Variants in ROBO2 observed in about 807,000 individuals in gnomAD.
The protein encoded by ROBO2 is roundabout homolog 2.
A neutral mutation model predicts 160.8 loss-of-function variants in ROBO2; 53 were observed. The ratio of observed to expected loss-of-function variants is 0.33; its 90% CI spans 0.26 to 0.41. ROBO2 has a LOEUF of 0.41. Among genes scored for constraint, ROBO2 ranks in the 10% least tolerant of loss-of-function variants. The pLI is 1.00. For synonymous variants in ROBO2, 664 were observed against 611.7 expected, an observed-to-expected ratio of 1.09 and a Z score of -1.26; for missense variants, 1,577 against 1,722.4, an observed-to-expected ratio of 0.92 and a Z score of 1.49.
intron 22 of ROBO2, among the ~76,000 whole-genome samples, chr3:77,618,885 A>G (rs537035551): frequency 3.3e-5 from 5 of 152,214 alleles, no homozygotes; most frequent in Non-Finnish European, 5.9e-5. Context: ...TTAATAAAAC[A>G]TCACTATGTA....
intron 2 of ROBO2, among the ~76,000 whole-genome samples, chr3:75,948,504 A>G (rs1181754953): frequency 6.6e-6 from 1 of 152,064 alleles, no homozygotes; most frequent in Non-Finnish European, 1.5e-5. Flanking sequence ...CTTGTTCTTC[A>G]ACGTGGCCCA....
At chr3:77,531,685 T>C (rs1052412347) in intron 6 of ROBO2, among the ~76,000 whole-genome samples, 3 of 152,134 alleles carry the variant, frequency 2.0e-5, no homozygotes, top group African/African-American at 7.2e-5. Flanking sequence ...CTGTACATAA[T>C]TGGATATTGG....
intron 2 of ROBO2, among the ~76,000 whole-genome samples, chr3:77,321,375 A>C (rs1454361697): frequency 6.6e-6 from 1 of 152,012 alleles, no homozygotes; most frequent in Non-Finnish European, 1.5e-5. Flanking sequence ...AAATTAGCCG[A>C]GCATGATGGC....
At chr3:77,472,259 G>A (rs1560931715) in intron 2 of ROBO2, among the ~76,000 whole-genome samples, 1 of 152,108 alleles carries the variant, frequency 6.6e-6, no homozygotes, top group Non-Finnish European at 1.5e-5. Context: ...TATACAAAGG[G>A]AATAAATAAC....
chr3:77,500,506 T>C (rs2087434882), intron 5 of ROBO2, among the ~76,000 whole-genome samples: 1 of 152,172 alleles, frequency 6.6e-6, no homozygotes, highest in Non-Finnish European at 1.5e-5. Context: ...TGGTTAGAAA[T>C]ACTATATTAT....
chr3:76,611,933 T>C (rs1254448352), intron 2 of ROBO2, among the ~76,000 whole-genome samples: 3 of 152,332 alleles, frequency 2.0e-5, no homozygotes, highest in South Asian at 4.1e-4. Context: ...TTTTGCAGTA[T>C]TCCATAGTTG....
chr3:77,640,410 G>T (rs529605932), intron 24 of ROBO2, among the ~76,000 whole-genome samples: 4 of 152,120 alleles, frequency 2.6e-5, no homozygotes, highest in Non-Finnish European at 4.4e-5. Context: ...CACTGCGCCC[G>T]GCCGCATATT....
chr3:77,454,234 C>T (rs986253928), intron 2 of ROBO2, among the ~76,000 whole-genome samples: 3 of 151,402 alleles, frequency 2.0e-5, no homozygotes, highest in Non-Finnish European at 2.9e-5. Flanking sequence ...TGTTGTTTAC[C>T]AATATAAACA....
chr3:75,984,685 T>C (rs1361064024), intron 2 of ROBO2, among the ~76,000 whole-genome samples: 2 of 151,458 alleles, frequency 1.3e-5, no homozygotes, highest in Non-Finnish European at 3.0e-5. Flanking sequence ...ATTCGCACAC[T>C]TAATTCTTGA....
rs536832543 is a variant in ROBO2 at position 75,971,489 on chromosome 3, T to C, written c.109+33887T>C. Among the ~76,000 whole-genome samples, 22 of 151,672 alleles carry C rather than the reference T, an allele frequency of 1.5e-4. No individual in the cohort carries two copies. In the South Asian group the frequency reaches 4.6e-3, roughly 31 times the overall value. ...GGTCAAGCAATTAACCTCTGATTTC[T>C]CATTTTCTTCATCTATAAAGACAGA... is the stretch of plus-strand genomic sequence containing the variant. On this transcript the variant is annotated intron_variant, in intron 2 of 26. Coordinates refer to the ROBO2 transcript ENST00000487694.
exon 26 of ROBO2, chr3:77,649,243 G>A (rs1468849776): frequency 6.6e-6 from 1 of 152,178 alleles, no homozygotes. Context: ...CTTGCGTTGA[G>A]TACAAAACAG....
chr3:77,126,714 T>TA (rs1560065744), intron 2 of ROBO2, among the ~76,000 whole-genome samples: 9 of 137,638 alleles, frequency 6.5e-5, no homozygotes, highest in African/African-American at 3.1e-4. Context: ...ATATATATAT[T>TA]TTTTTTCCTT....
At chr3:77,535,284 C>T (rs1245006046) in intron 6 of ROBO2, among the ~76,000 whole-genome samples, 2 of 151,494 alleles carry the variant, frequency 1.3e-5, no homozygotes, top group Non-Finnish European at 2.9e-5. Context: ...GTGATCAGCC[C>T]TCGTGGTTTA....
chr3:75,907,394 A>G (rs532572578), intron 1 of ROBO2, among the ~76,000 whole-genome samples: 2 of 152,012 alleles, frequency 1.3e-5, no homozygotes, highest in African/African-American at 4.8e-5. Context: ...TTGGTCTCTA[A>G]GTTTGGGGGT....
At chr3:76,883,775 CTG>C (rs2148765942) in intron 2 of ROBO2, among the ~76,000 whole-genome samples, 1 of 152,276 alleles carries the variant, frequency 6.6e-6, no homozygotes, top group African/African-American at 2.4e-5. Flanking sequence ...AAACGATTAA[CTG>C]TGGAATTTGT....
intron 2 of ROBO2, among the ~76,000 whole-genome samples, chr3:77,245,919 C>T (rs978609907): frequency 6.6e-6 from 1 of 152,030 alleles, no homozygotes; most frequent in Admixed American, 6.6e-5. Context: ...AAAAATAAAC[C>T]ATGTACCATG....
intron 2 of ROBO2, among the ~76,000 whole-genome samples, chr3:76,962,340 A>G (rs2149240935): frequency 6.6e-6 from 1 of 151,926 alleles, no homozygotes; most frequent in East Asian, 1.9e-4. Context: ...TTAAAAAAAC[A>G]AACAAACAAA....
chr3:77,415,805 C>T (rs1263890742), intron 2 of ROBO2, among the ~76,000 whole-genome samples: 1 of 152,074 alleles, frequency 6.6e-6, no homozygotes, highest in African/African-American at 2.4e-5. Flanking sequence ...AGGGAGTCCC[C>T]AGGTTTGAGC....
At chr3:75,910,235 C>T (rs1576099094) in intron 1 of ROBO2, among the ~76,000 whole-genome samples, 1 of 152,226 alleles carries the variant, frequency 6.6e-6, no homozygotes, top group African/African-American at 2.4e-5. Flanking sequence ...GGACATTGTC[C>T]GACCACATGT....
Sources: allele counts gnomAD v4.1 joint callset (sites outside exome capture counted in the v4.1 genomes callset), GRCh38; gene constraint gnomAD v4.1.1; transcripts MANE v1.5; gene names NCBI Gene and HGNC (gene_info 2026-07-23, HGNC 2026-07-21).